The following DNMT3A variants were observed in gnomAD, a reference collection of about 807,000 sequenced individuals.
DNMT3A encodes DNA methyltransferase 3 alpha.
Under a neutral mutation model 117.6 loss-of-function variants are expected in DNMT3A, and 267 were observed. The observed-to-expected ratio is 2.27, with a 90% CI of 2.05 to 2.51. The LOEUF (loss-of-function observed/expected upper bound fraction) is 2.51. Among genes scored for constraint, DNMT3A ranks in the 30% most tolerant of loss-of-function variants. DNMT3A has a pLI of 0.00. For synonymous variants in DNMT3A, 432 were observed against 474.8 expected (o/e 0.91, Z 1.17); for missense variants, 1,029 against 1,260.2 (o/e 0.82, Z 2.78).
rs189551693 is a variant in DNMT3A, at chr2:25,257,407, C to A, written c.640-9155G>T. On this transcript the variant is annotated intron_variant, in intron 6 of 22. Transcript: ENST00000321117. This position sits in a 1 kb window ranked among gnomAD's most constrained non-coding sequence, Gnocchi z 4.8. The stretch of plus-strand genomic sequence containing the variant: ...CACCAGGACTGGGGTGAAGTACCAG[C>A]CCCTGGAAGGGAGGCCTCTGCTTGG... Among the ~76,000 whole-genome samples the A allele has an allele frequency of 0.012, 1,819 of 152,336 alleles. 19 individuals are homozygous for A. The highest frequency in any genetic ancestry group is 0.016 in the Non-Finnish European group (1,088 of 68,028).
chr2:25,308,210 A>G (rs1482519160), intron 2 of DNMT3A, among the ~76,000 whole-genome samples: 1 of 152,150 alleles, frequency 6.6e-6, no homozygotes, highest in Non-Finnish European at 1.5e-5. Context: ...ATGGGTAGGT[A>G]GATATCCAAA....
At chr2:25,297,084 C>A (rs2033133492) in intron 3 of DNMT3A, among the ~76,000 whole-genome samples, 1 of 152,174 alleles carries the variant, frequency 6.6e-6, no homozygotes, top group African/African-American at 2.4e-5. Context: ...TGTGCTCCTG[C>A]ATGGGAGGGG....
At chr2:25,291,856 T>A (rs2032787177) in intron 3 of DNMT3A, among the ~76,000 whole-genome samples, 1 of 152,172 alleles carries the variant, frequency 6.6e-6, no homozygotes, top group Non-Finnish European at 1.5e-5. Flanking sequence ...CCACTCAGGG[T>A]TCTGTTTCCA....
At position 25,252,254 on chromosome 2, in the gene DNMT3A, C is replaced by A. The variant is rs1675665468; in HGVS notation, c.640-4002G>T. ...TCAGGTGTGAGCCGCGGCCCTGAAGCTCTGGAAGTAGCTGCCCGTCTTGGG... is the reference window on the plus strand; with the variant it reads ...TCAGGTGTGAGCCGCGGCCCTGAAGATCTGGAAGTAGCTGCCCGTCTTGGG... On this transcript the variant is annotated intron_variant, in intron 6 of 22. Transcript: ENST00000321117. The surrounding 1 kb of genome is among the most constrained non-coding windows in gnomAD (Gnocchi z 5.5). The A allele has an allele frequency of 6.9e-7, 1 of 1,441,356 alleles. No individual in the cohort carries two copies. The highest frequency in any genetic ancestry group is 2.3e-5 in the Admixed American group (1 of 43,250). 89.3% of individuals were successfully genotyped at this position (1,441,356 alleles called of 1,614,324 possible). A position where few individuals can be genotyped will look rare whatever the true frequency, so the allele number is the denominator to read the frequency against.
At chr2:25,275,425 C>A in intron 5 of DNMT3A, 75 bp downstream of exon 5, 1 of 1,531,324 alleles carries the variant, frequency 6.5e-7, no homozygotes, top group South Asian at 1.2e-5. Context: ...CCCTCCGCCC[C>A]CTCACACACA....
chr2:25,236,364 C>T lies in DNMT3A; in HGVS notation c.2479-539G>A, dbSNP rs887990022. Among the ~76,000 whole-genome samples the T allele has an allele frequency of 1.1e-4, 16 of 152,268 alleles. No homozygotes were observed. The highest frequency in any genetic ancestry group is 2.1e-4 in the Non-Finnish European group (14 of 68,048). On this transcript the variant is annotated intron_variant, in intron 21 of 22. Coordinates refer to ENST00000321117, the MANE Select transcript of DNMT3A (RefSeq NM_022552.5). The surrounding 1 kb of genome is among the most constrained non-coding windows in gnomAD (Gnocchi z 4.5). ...ATAGGCGTGAGCCACCGCACCCGGC[C>T]TAGCCACAGACTTTAGAAGTAGAAG...
upstream of DNMT3A, chr2:25,342,046 G>T: frequency 1.8e-6 from 1 of 564,296 alleles, no homozygotes; most frequent in Non-Finnish European, 2.0e-6. This position sits in a 1 kb window ranked among gnomAD's most constrained non-coding sequence, Gnocchi z 5.9. Context: ...CCTTCTCTCC[G>T]CCTTCCTCCT....
intron 6 of DNMT3A, among the ~76,000 whole-genome samples, chr2:25,260,695 C>T (rs972123960): frequency 7.2e-5 from 11 of 152,170 alleles, no homozygotes; most frequent in Admixed American, 1.3e-4. Flanking sequence ...AACATTCACA[C>T]GCACACTTGC....
At chr2:25,251,339 T>TCA (rs1675532804) in intron 6 of DNMT3A, among the ~76,000 whole-genome samples, 1 of 150,344 alleles carries the variant, frequency 6.7e-6, no homozygotes, top group Non-Finnish European at 1.5e-5. Flanking sequence ...CTCGAGGCTC[T>TCA]CGCATTTGGG....
intron 1 of DNMT3A, chr2:25,314,600 C>T: frequency 1.0e-6 from 1 of 985,366 alleles, no homozygotes; most frequent in Non-Finnish European, 1.2e-6. Context: ...CACCTCCCGC[C>T]ACGTGGAGGA....
intron 1 of DNMT3A, among the ~76,000 whole-genome samples, chr2:25,325,431 G>A (rs1257333350): frequency 2.0e-5 from 3 of 152,104 alleles, no homozygotes; most frequent in East Asian, 1.9e-4. Flanking sequence ...CAGCGGAAGC[G>A]GCCCACGGTC....
intron 4 of DNMT3A, among the ~76,000 whole-genome samples, chr2:25,279,901 G>A (rs2031759969): frequency 6.6e-6 from 1 of 152,002 alleles, no homozygotes; most frequent in Admixed American, 6.6e-5. Flanking sequence ...GTGTTGGCCC[G>A]GCTGGTCTCG....
chr2:25,288,587 G>A (rs1204748334), intron 3 of DNMT3A, among the ~76,000 whole-genome samples: 2 of 152,138 alleles, frequency 1.3e-5, no homozygotes, highest in Non-Finnish European at 2.9e-5. Flanking sequence ...TGGGATTACA[G>A]GCGTAAGCCA....
intron 6 of DNMT3A, among the ~76,000 whole-genome samples, chr2:25,264,961 C>G (rs1391795959): frequency 2.0e-5 from 3 of 152,180 alleles, no homozygotes; most frequent in Non-Finnish European, 4.4e-5. Flanking sequence ...GTCATCTCAT[C>G]TATTTCTGTC....
At chr2:25,241,806 G>T in intron 16 of DNMT3A, 99 bp from the exon 17 acceptor site, 2 of 1,477,602 alleles carry the variant, frequency 1.4e-6, no homozygotes, top group African/African-American at 1.4e-5. Context: ...CATGGGGTCA[G>T]CTGTAGGCCC....
intron 1 of DNMT3A, among the ~76,000 whole-genome samples, chr2:25,331,962 CCAGA>C (rs2035030493): frequency 6.6e-6 from 1 of 151,628 alleles, no homozygotes; most frequent in African/African-American, 2.4e-5. Flanking sequence ...GAGCTAGAAA[CCAGA>C]CAGCCACCCC....
At position 25,287,069 on chromosome 2, in the gene DNMT3A, C is replaced by T. The variant is rs1039670060; in HGVS notation, c.178-4358G>A. On this transcript the variant is annotated intron_variant, in intron 3 of 22. Coordinates refer to ENST00000321117, the MANE Select transcript of DNMT3A (RefSeq NM_022552.5). ...CGAGGCTAAAAGTGAGAACCTCCTG[C>T]ACTCAAGCTAGAGGGAGTTTCAGCT... Among the ~76,000 whole-genome samples, 3 of 152,232 alleles carry T rather than the reference C, an allele frequency of 2.0e-5. No homozygotes were observed. The South Asian group carries it at 6.2e-4, about 31-fold the overall frequency.
chr2:25,261,264 C>T (rs553980867), intron 6 of DNMT3A, among the ~76,000 whole-genome samples: 48 of 151,522 alleles, frequency 3.2e-4, no homozygotes, highest in Non-Finnish European at 4.0e-4. Flanking sequence ...CATGGTGAAA[C>T]CCCGTCTCCA....
At position 25,337,515 on chromosome 2, in the gene DNMT3A, G is replaced by A. The variant is rs993481531; in HGVS notation, c.-178+4311C>T. On this transcript the variant is annotated intron_variant, in intron 1 of 22. Transcript: ENST00000321117. This position sits in a 1 kb window ranked among gnomAD's most constrained non-coding sequence, Gnocchi z 5.0. ...CTGAGGCCCAGGGAATCGAGTTGTTGCCCAAGTTCCTGCCGCTGGGAGGTG... is the reference window on the plus strand; with the variant it reads ...CTGAGGCCCAGGGAATCGAGTTGTTACCCAAGTTCCTGCCGCTGGGAGGTG... 7.2e-5 allele frequency among the ~76,000 whole-genome samples: 11 copies of A among 152,194 alleles called. No individual in the cohort carries two copies. Among genetic ancestry groups the A allele is most frequent in the Non-Finnish European group, 1.3e-4 (9 of 68,024 alleles).
Sources: allele counts gnomAD v4.1 joint callset (sites outside exome capture counted in the v4.1 genomes callset), GRCh38; gene constraint gnomAD v4.1.1; non-coding constraint Gnocchi (gnomAD v3.1); transcripts MANE v1.5; gene names NCBI Gene and HGNC (gene_info 2026-07-23, HGNC 2026-07-21).